Variants in DOP1B observed in about 807,000 individuals in gnomAD.
DOP1B encodes the protein protein DOP1B.
DOP1B carries 174 observed loss-of-function variants against 233.5 expected under a neutral mutation model. The ratio of observed to expected loss-of-function variants is 0.75; its 90% CI spans 0.66 to 0.85. The LOEUF (loss-of-function observed/expected upper bound fraction) is 0.85. DOP1B is among the 40% of genes least tolerant of loss of function. DOP1B has a pLI of 0.00. For missense variants in DOP1B, 2,652 were observed against 2,846.6 expected (o/e 0.93, Z 1.56); for synonymous variants, 1,190 against 1,185.6 (o/e 1.00, Z -0.08).
At chr21:36,256,516 C>T (rs955732505) in intron 23 of DOP1B, among the ~76,000 whole-genome samples, 3 of 152,000 alleles carry the variant, frequency 2.0e-5, no homozygotes, top group South Asian at 2.1e-4. Context: ...GTTTGTGTAC[C>T]GATGTTCATA....
chr21:36,236,310 C>T (rs771426763), intron 15 of DOP1B, among the ~76,000 whole-genome samples: 1 of 152,158 alleles, frequency 6.6e-6, no homozygotes. Context: ...ATGGAGGACA[C>T]GATTTGGGGG....
At chr21:36,243,297 G>A (rs902210955) in intron 18 of DOP1B, among the ~76,000 whole-genome samples, 1 of 150,858 alleles carries the variant, frequency 6.6e-6, no homozygotes, top group Non-Finnish European at 1.5e-5. Context: ...TAGATTTATT[G>A]AACACTGCTT....
chr21:36,273,528 G>A (rs2067314835), intron 27 of DOP1B, among the ~76,000 whole-genome samples: 2 of 152,166 alleles, frequency 1.3e-5, no homozygotes, highest in Admixed American at 1.3e-4. Flanking sequence ...TGGTAGTGGG[G>A]CAGGGCCACT....
intron 28 of DOP1B, 59 bp downstream of exon 28, chr21:36,277,159 C>G (rs907281221): frequency 2.5e-6 from 4 of 1,568,814 alleles, no homozygotes; most frequent in African/African-American, 1.4e-5. Flanking sequence ...CGAATTGTTG[C>G]AAAGACATTT....
intron 1 of DOP1B, among the ~76,000 whole-genome samples, chr21:36,158,489 A>G (rs1030029164): frequency 6.6e-6 from 1 of 152,088 alleles, no homozygotes; most frequent in African/African-American, 2.4e-5. Context: ...TACCCATCTC[A>G]CAGGACTCGT....
intron 24 of DOP1B, 29 bp downstream of exon 24, chr21:36,260,761 T>G: frequency 6.2e-7 from 1 of 1,613,334 alleles, no homozygotes; most frequent in African/African-American, 1.3e-5. Flanking sequence ...CTCCAAAAAC[T>G]TCCTTAAATA....
intron 1 of DOP1B, among the ~76,000 whole-genome samples, chr21:36,162,631 C>G (rs1380172023): frequency 6.6e-6 from 1 of 152,116 alleles, no homozygotes; most frequent in Admixed American, 6.6e-5. Context: ...ACCTCCATGG[C>G]TCCTGGGTTC....
Position 36,278,230 on chromosome 21 carries a change from C to T in DOP1B, c.5844C>T (p.Phe1948=), listed in dbSNP as rs750168856. The T allele has an allele frequency of 4.5e-5, 73 of 1,614,026 alleles. No individual in the cohort carries two copies. Among genetic ancestry groups the T allele is most frequent in the Non-Finnish European group, 6.2e-5 (73 of 1,180,024 alleles). ...RNHSAYNAPS[F]RAGAQLLSSL... ...TCAGTGCCTACAATGCTCCCAGCTT[C>T]CGGGCTGGCGCTCAGCTGCTGAGCT... The change falls in exon 30 of 37, where the codon TTC becomes TTT. Residue 1948 remains phenylalanine (F), a synonymous_variant. Transcript: ENST00000691173.
At chr21:36,259,656 A>G (rs949587727) in intron 23 of DOP1B, among the ~76,000 whole-genome samples, 1 of 152,198 alleles carries the variant, frequency 6.6e-6, no homozygotes, top group Middle Eastern at 3.2e-3. Flanking sequence ...TGGTCGCCGT[A>G]GAACCAAGGG....
intron 2 of DOP1B, among the ~76,000 whole-genome samples, chr21:36,188,594 C>T (rs764446477): frequency 7.9e-5 from 12 of 152,194 alleles, no homozygotes; most frequent in Non-Finnish European, 1.6e-4. Flanking sequence ...TGCCACTGTG[C>T]AGCTTCCTTT....
At chr21:36,229,363 G>A (rs1265130794) in intron 13 of DOP1B, among the ~76,000 whole-genome samples, 2 of 152,162 alleles carry the variant, frequency 1.3e-5, no homozygotes, top group Non-Finnish European at 2.9e-5. Context: ...CTGGTGGTTT[G>A]CTGGCAATAT....
chr21:36,208,791 C>T lies in DOP1B; in HGVS notation c.568C>T (p.Leu190=). The change falls in exon 5 of 37, where the codon CTG becomes TTG. Residue 190 remains leucine, a synonymous_variant. Transcript: ENST00000691173. ...TTACACCGCCCTCTGGGGGAGCGTC[C>T]TGGCCAGCCCGTCCATCCGCCTCCC... ...VFYTALWGSV[L]ASPSIRLPAS... is the part of the protein sequence containing the mutation. 7 of 1,611,384 alleles carry T rather than the reference C, an allele frequency of 4.3e-6. No homozygotes were observed. The highest frequency in any genetic ancestry group is 5.9e-6 in the Non-Finnish European group (7 of 1,178,730).
intron 26 of DOP1B, 115 bp from the exon 27 acceptor site, chr21:36,269,898 G>A (rs11700664): frequency 0.37 from 390,655 of 1,042,458 alleles, 74,469 homozygotes; most frequent in African/African-American, 0.43. Flanking sequence ...TTAATGGTAC[G>A]TATATGCTCA....
intron 13 of DOP1B, among the ~76,000 whole-genome samples, chr21:36,229,620 C>G (rs116898768): frequency 6.6e-6 from 1 of 151,288 alleles, no homozygotes; most frequent in African/African-American, 2.4e-5. Flanking sequence ...TGGGGGACAC[C>G]GTTCAACCCA....
chr21:36,292,212 A>G lies in DOP1B; in HGVS notation c.6624A>G (p.Glu2208=). Residue 2208 remains glutamate, a synonymous_variant, in exon 36 of 37, where the codon GAA becomes GAG. Coordinates refer to ENST00000691173, the MANE Select transcript of DOP1B (RefSeq NM_001320714.2). ...AACCCCACACTGTCAGGATTCTAGA[A>G]CTTCTAAAATTAAAGTTTGGGGTAA... ...ECKPHTVRIL[E]LLKLKFGEIS... 6.3e-7 allele frequency: 1 copy of G among 1,594,348 alleles called. No homozygotes were observed. The highest frequency in any genetic ancestry group is 8.5e-7 in the Non-Finnish European group (1 of 1,174,266).
At chr21:36,243,877 T>G (rs2066922064) in intron 18 of DOP1B, among the ~76,000 whole-genome samples, 1 of 152,058 alleles carries the variant, frequency 6.6e-6, no homozygotes, top group East Asian at 1.9e-4. Flanking sequence ...TTTTCCATGT[T>G]GCCCAGGCTG....
At chr21:36,213,320 A>G (rs1308671090) in intron 7 of DOP1B, among the ~76,000 whole-genome samples, 2 of 152,132 alleles carry the variant, frequency 1.3e-5, no homozygotes, top group African/African-American at 2.4e-5. Flanking sequence ...CCACAGTGCC[A>G]GCTCTGGCTC....
intron 4 of DOP1B, among the ~76,000 whole-genome samples, chr21:36,206,010 CA>C (rs34186825): frequency 0.7 from 103,497 of 147,804 alleles, 36,548 homozygotes; most frequent in African/African-American, 0.85. Context: ...AACTCCGTCT[CA>C]AAAAAAAAAA....
intron 18 of DOP1B, among the ~76,000 whole-genome samples, chr21:36,241,892 G>T (rs2066896260): frequency 6.6e-6 from 1 of 150,564 alleles, no homozygotes; most frequent in South Asian, 2.1e-4. Flanking sequence ...AGTAAGCAGA[G>T]GTGTGTGAAA....
Sources: allele counts gnomAD v4.1 joint callset (sites outside exome capture counted in the v4.1 genomes callset), GRCh38; gene constraint gnomAD v4.1.1; transcripts MANE v1.5; gene names NCBI Gene and HGNC (gene_info 2026-07-23, HGNC 2026-07-21).